The following HCN1 variants were observed in gnomAD, a reference collection of about 807,000 sequenced individuals.
The protein encoded by HCN1 is hyperpolarization activated cyclic nucleotide gated potassium channel 1.
HCN1 carries 13 observed loss-of-function variants against 78.9 expected under a neutral mutation model. That is an observed-to-expected ratio of 0.16 (90% CI 0.11 to 0.26). The LOEUF is 0.26. HCN1 is among the 10% of genes least tolerant of loss of function. The pLI, the probability that HCN1 is intolerant of heterozygous loss-of-function variation, is 1.00. For synonymous variants in HCN1, 552 were observed against 455.5 expected (o/e 1.21, Z -2.70); for missense variants, 810 against 1,154.3 (o/e 0.70, Z 4.32).
At chr5:45,680,728 C>T (rs1037278557) in intron 1 of HCN1, among the ~76,000 whole-genome samples, 1 of 152,040 alleles carries the variant, frequency 6.6e-6, no homozygotes, top group African/African-American at 2.4e-5. Context: ...ATTAAGACCT[C>T]TTCCTTTTTC....
chr5:45,441,881 C>G (rs759270957), intron 3 of HCN1, among the ~76,000 whole-genome samples: 4 of 152,020 alleles, frequency 2.6e-5, no homozygotes, highest in Admixed American at 6.5e-5. Flanking sequence ...TTAAGAAAAC[C>G]CTTAATGCTC....
At chr5:45,373,044 A>T (rs1337783453) in intron 4 of HCN1, among the ~76,000 whole-genome samples, 2 of 136,990 alleles carry the variant, frequency 1.5e-5, no homozygotes, top group Non-Finnish European at 3.1e-5. Flanking sequence ...TAAATATATA[A>T]AATATAATAT....
intron 2 of HCN1, among the ~76,000 whole-genome samples, chr5:45,543,214 A>C (rs1743139961): frequency 1.3e-5 from 2 of 152,174 alleles, no homozygotes; most frequent in African/African-American, 2.4e-5. Context: ...TTTCAAAATG[A>C]AAATGACAAT....
intron 2 of HCN1, chr5:45,576,113 T>C (rs1047712328): frequency 1.3e-5 from 2 of 152,050 alleles, no homozygotes; most frequent in African/African-American, 4.8e-5. Context: ...AAGAATTCAA[T>C]GGAAGAAGTA....
chr5:45,489,852 T>A (rs952512445), intron 2 of HCN1, among the ~76,000 whole-genome samples: 2 of 152,180 alleles, frequency 1.3e-5, no homozygotes, highest in African/African-American at 4.8e-5. Flanking sequence ...TGACAAAACA[T>A]GACAAACAAC....
At chr5:45,305,635 G>C (rs149835309) in intron 5 of HCN1, among the ~76,000 whole-genome samples, 220 of 151,682 alleles carry the variant, frequency 1.5e-3, no homozygotes, top group African/African-American at 4.0e-3. Flanking sequence ...GAATCAATAT[G>C]CATGCATATA....
At chr5:45,450,763 G>T (rs1199122276) in intron 3 of HCN1, among the ~76,000 whole-genome samples, 1 of 152,092 alleles carries the variant, frequency 6.6e-6, no homozygotes, top group Non-Finnish European at 1.5e-5. Flanking sequence ...ATCTTAATAA[G>T]AATGTAGCTC....
intron 3 of HCN1, among the ~76,000 whole-genome samples, chr5:45,420,045 C>G (rs539053974): frequency 6.6e-6 from 1 of 152,192 alleles, no homozygotes; most frequent in Non-Finnish European, 1.5e-5. Flanking sequence ...ATTGGCTCAA[C>G]ATCTATCACT....
intron 2 of HCN1, among the ~76,000 whole-genome samples, chr5:45,532,065 A>G (rs1032699962): frequency 6.6e-6 from 1 of 152,122 alleles, no homozygotes; most frequent in East Asian, 1.9e-4. Flanking sequence ...CAACCAAACA[A>G]AAGACATTTC....
At chr5:45,594,299 T>G (rs1744442179) in intron 2 of HCN1, among the ~76,000 whole-genome samples, 2 of 152,158 alleles carry the variant, frequency 1.3e-5, no homozygotes, top group Admixed American at 1.3e-4. Context: ...AATTAGTGCC[T>G]CTAGTATCCT....
chr5:45,320,116 C>T (rs1040710972), intron 5 of HCN1, among the ~76,000 whole-genome samples: 27 of 151,892 alleles, frequency 1.8e-4, no homozygotes, highest in African/African-American at 6.3e-4. Context: ...CTCCAACACA[C>T]CCTATATTTT....
intron 6 of HCN1, among the ~76,000 whole-genome samples, chr5:45,281,320 C>T (rs956689902): frequency 6.6e-6 from 1 of 151,992 alleles, no homozygotes; most frequent in Non-Finnish European, 1.5e-5. Flanking sequence ...CCTTCTCTCT[C>T]TCTCTCTCCT....
At position 45,296,775 on chromosome 5, in the gene HCN1, G is replaced by C. The variant is rs963096329; in HGVS notation, c.1618+6824C>G. The stretch of plus-strand genomic sequence containing the variant: ...AAATGAAAGAGGGGTCATCACTATT[G>C]ATCCTGGGGACCCTAAAAGAGAATG... On this transcript the variant is annotated intron_variant, in intron 6 of 7. Transcript: ENST00000303230. Among the ~76,000 whole-genome samples, 3 of 152,056 alleles carry C rather than the reference G, an allele frequency of 2.0e-5. No individual in the cohort carries two copies. In the East Asian group the frequency reaches 5.8e-4, roughly 30 times the overall value.
At chr5:45,471,545 T>C (rs1266416948) in intron 2 of HCN1, among the ~76,000 whole-genome samples, 3 of 151,936 alleles carry the variant, frequency 2.0e-5, no homozygotes, top group Non-Finnish European at 4.4e-5. Context: ...TGTTTCCTTT[T>C]GTTTTATAGA....
At chr5:45,422,716 GT>G (rs1412894450) in intron 3 of HCN1, among the ~76,000 whole-genome samples, 1 of 152,008 alleles carries the variant, frequency 6.6e-6, no homozygotes, top group African/African-American at 2.4e-5. Context: ...ATCAGCAATA[GT>G]TTTTTTATTC....
chr5:45,493,520 T>A (rs762300103), intron 2 of HCN1, among the ~76,000 whole-genome samples: 164 of 152,228 alleles, frequency 1.1e-3, no homozygotes, highest in African/African-American at 3.7e-3. Context: ...TTCCTTTTTG[T>A]GTCTATGTTT....
chr5:45,383,094 T>C (rs1056297995), intron 4 of HCN1, among the ~76,000 whole-genome samples: 2 of 152,180 alleles, frequency 1.3e-5, no homozygotes, highest in Non-Finnish European at 2.9e-5. Context: ...AATGAGTCTC[T>C]AAGAGACTAT....
At chr5:45,314,596 G>T (rs1745936495) in intron 5 of HCN1, among the ~76,000 whole-genome samples, 1 of 152,140 alleles carries the variant, frequency 6.6e-6, no homozygotes, top group African/African-American at 2.4e-5. Context: ...AGACCCATCA[G>T]TGTGCTATAT....
intron 1 of HCN1, among the ~76,000 whole-genome samples, chr5:45,657,688 G>A (rs571753205): frequency 2.6e-5 from 4 of 152,260 alleles, no homozygotes; most frequent in Admixed American, 6.5e-5. Flanking sequence ...TACAAGGGAT[G>A]TGAAGGACCT....
Sources: gnomAD v4.1 joint callset for allele counts (sites outside exome capture counted in the v4.1 genomes callset) on GRCh38, gnomAD v4.1.1 for gene constraint, MANE v1.5 for transcripts, NCBI Gene and HGNC (gene_info 2026-07-23, HGNC 2026-07-21) for gene names.